Variants in ABTB2 observed in about 807,000 individuals in gnomAD.
ABTB2 encodes the protein ankyrin repeat and BTB domain containing 2, also known as ankyrin repeat and BTB/POZ domain-containing protein 2.
ABTB2 carries 56 observed loss-of-function variants against 104.1 expected under a neutral mutation model. The observed-to-expected ratio is 0.54, with a 90% CI of 0.43 to 0.67. The LOEUF (loss-of-function observed/expected upper bound fraction) is 0.67, where lower values mean the gene tolerates loss of function less well. ABTB2 is among the 30% of genes least tolerant of loss of function. The pLI is 0.00. For missense variants in ABTB2, 1,279 were observed against 1,407.7 expected, an observed-to-expected ratio of 0.91 and a Z score of 1.46; for synonymous variants, 606 against 608.2, an observed-to-expected ratio of 1.00 and a Z score of 0.05.
At chr11:34,253,608 G>A (rs922906608) in intron 1 of ABTB2, among the ~76,000 whole-genome samples, 31 of 151,968 alleles carry the variant, frequency 2.0e-4, no homozygotes, top group African/African-American at 6.5e-4. Flanking sequence ...CCCGGGAGGC[G>A]GAGGTTGCAG....
At chr11:34,228,014 C>T (rs1173090550) in intron 1 of ABTB2, among the ~76,000 whole-genome samples, 6 of 90,084 alleles carry the variant, frequency 6.7e-5, no homozygotes, top group African/African-American at 1.6e-4. Context: ...GGATTACAGG[C>T]GTGAGCCACC....
intron 1 of ABTB2, among the ~76,000 whole-genome samples, chr11:34,277,054 A>C (rs1854390061): frequency 6.6e-6 from 1 of 151,922 alleles, no homozygotes; most frequent in Non-Finnish European, 1.5e-5. Context: ...GGGACCTGCC[A>C]CCCCACACAG....
intron 1 of ABTB2, among the ~76,000 whole-genome samples, chr11:34,255,018 A>T (rs983202581): frequency 1.3e-5 from 2 of 152,168 alleles, no homozygotes; most frequent in African/African-American, 4.8e-5. Context: ...GTTAGTGGGT[A>T]CTATACCGGA....
At chr11:34,171,369 G>A (rs1262059892) in intron 4 of ABTB2, among the ~76,000 whole-genome samples, 1 of 152,154 alleles carries the variant, frequency 6.6e-6, no homozygotes, top group Non-Finnish European at 1.5e-5. Flanking sequence ...GAGGTCAGGA[G>A]TTCAAGACCA....
At chr11:34,199,584 A>C (rs937389655) in intron 2 of ABTB2, among the ~76,000 whole-genome samples, 6 of 152,176 alleles carry the variant, frequency 3.9e-5, no homozygotes, top group Non-Finnish European at 7.3e-5. Flanking sequence ...AGTTGGCCTC[A>C]AATCAGGGCC....
At chr11:34,302,968 C>G (rs1204723844) in intron 1 of ABTB2, among the ~76,000 whole-genome samples, 1 of 152,208 alleles carries the variant, frequency 6.6e-6, no homozygotes, top group African/African-American at 2.4e-5. Flanking sequence ...TGATAAGACA[C>G]CTCCAGCCCA....
chr11:34,316,199 C>G (rs1477646027), intron 1 of ABTB2, among the ~76,000 whole-genome samples: 3 of 152,208 alleles, frequency 2.0e-5, no homozygotes, highest in Non-Finnish European at 4.4e-5. Context: ...TCACTGACAG[C>G]ACCCAACGTG....
chr11:34,172,559 G>C (rs1852898265), intron 4 of ABTB2, among the ~76,000 whole-genome samples: 1 of 151,736 alleles, frequency 6.6e-6, no homozygotes. Context: ...TCTACTGTGA[G>C]AGGCATTTAG....
chr11:34,335,787 C>T, intron 1 of ABTB2: 1 of 1,369,712 alleles, frequency 7.3e-7, no homozygotes, highest in Non-Finnish European at 1.0e-6. Flanking sequence ...TCCCAGGAAG[C>T]TTGAACCTCT....
rs1855484641 is a variant in ABTB2 at position 34,357,667 on chromosome 11, C to T, written c.-84G>A. 7.5e-7 allele frequency: 1 copy of T among 1,340,768 alleles called. No homozygotes were observed. The highest frequency in any genetic ancestry group is 3.2e-5 in the Admixed American group (1 of 31,452). 83.1% of individuals were successfully genotyped at this position (1,340,768 alleles called of 1,614,324 possible). A position where few individuals can be genotyped will look rare whatever the true frequency, so the allele number is the denominator to read the frequency against. On this transcript the variant is annotated 5_prime_UTR_variant, in exon 1 of 17. It removes the in-frame stop codon of an upstream open reading frame in the 5' UTR. Transcript: ENST00000435224. ...TTTCCCAAGTGGGCAGAAACAAGCTCTAGGCCCTCCGGGCCACCCTCCTTC... is the reference window on the plus strand; with the variant it reads ...TTTCCCAAGTGGGCAGAAACAAGCTTTAGGCCCTCCGGGCCACCCTCCTTC...
intron 8 of ABTB2, 128 bp downstream of exon 8, chr11:34,165,132 G>A: frequency 1.1e-6 from 1 of 894,360 alleles, no homozygotes; most frequent in South Asian, 1.8e-5. Flanking sequence ...CCAGAGAAGG[G>A]GTTTTAAGGC....
chr11:34,318,430 T>C (rs923641283), intron 1 of ABTB2, among the ~76,000 whole-genome samples: 7 of 152,164 alleles, frequency 4.6e-5, no homozygotes, highest in African/African-American at 1.7e-4. Flanking sequence ...GCAAAAGACA[T>C]GATTCCAAGG....
chr11:34,286,259 A>T (rs1165025146), intron 1 of ABTB2, among the ~76,000 whole-genome samples: 1 of 151,640 alleles, frequency 6.6e-6, no homozygotes, highest in Admixed American at 6.6e-5. Flanking sequence ...GGAGTTCAAG[A>T]CGAGCCTGGG....
intron 1 of ABTB2, among the ~76,000 whole-genome samples, chr11:34,258,605 C>CT (rs35853565): frequency 0.13 from 12,589 of 94,786 alleles, 1,170 homozygotes; most frequent in Non-Finnish European, 0.17. Context: ...AGTGCCTGCT[C>CT]TTTTTTTTTT....
At chr11:34,279,787 C>CTTTTTTTT (rs397849748) in intron 1 of ABTB2, among the ~76,000 whole-genome samples, 1 of 129,564 alleles carries the variant, frequency 7.7e-6, no homozygotes, top group Admixed American at 8.3e-5. Flanking sequence ...CTTTCTTCTT[C>CTTTTTTTT]TTTTTTTTTT....
intron 1 of ABTB2, among the ~76,000 whole-genome samples, chr11:34,236,222 G>T (rs1416048601): frequency 6.6e-6 from 1 of 152,162 alleles, no homozygotes; most frequent in East Asian, 1.9e-4. Context: ...TCCCTGGAAA[G>T]AAGAGGTCAT....
intron 1 of ABTB2, among the ~76,000 whole-genome samples, chr11:34,352,261 A>C (rs1276355575): frequency 6.6e-6 from 1 of 152,268 alleles, no homozygotes; most frequent in Non-Finnish European, 1.5e-5. Context: ...TGAATCATTC[A>C]GAAAAGTCCT....
At chr11:34,353,474 T>C (rs571257713) in intron 1 of ABTB2, among the ~76,000 whole-genome samples, 21 of 152,346 alleles carry the variant, frequency 1.4e-4, no homozygotes, top group Non-Finnish European at 2.5e-4. Context: ...ATTAAATTGG[T>C]TTCTCTACCT....
intron 1 of ABTB2, among the ~76,000 whole-genome samples, chr11:34,253,716 G>C (rs1854084673): frequency 6.6e-6 from 1 of 151,732 alleles, no homozygotes; most frequent in Admixed American, 6.6e-5. Context: ...GAACCTACCA[G>C]GGAGCCACAG....
Sources: gnomAD v4.1 joint callset for allele counts (sites outside exome capture counted in the v4.1 genomes callset) on GRCh38, gnomAD v4.1.1 for gene constraint, MANE v1.5 for transcripts, NCBI Gene and HGNC (gene_info 2026-07-23, HGNC 2026-07-21) for gene names.